The following GSG1L variants were observed in gnomAD, a reference collection of about 807,000 sequenced individuals.
GSG1L encodes GSG1 like.
In GSG1L, 24 loss-of-function variants were observed where a neutral mutation model predicts 42.1. That is an observed-to-expected ratio of 0.57 (90% CI 0.41 to 0.80). The LOEUF is 0.80. Ranked by LOEUF, GSG1L falls within the 30% of genes least tolerant of loss-of-function variation. The pLI is 0.00. For missense variants in GSG1L, 445 were observed against 472.2 expected (o/e 0.94, Z 0.53); for synonymous variants, 215 against 203.5 (o/e 1.06, Z -0.48).
chr16:27,793,754 C>T (rs1191506504), intron 6 of GSG1L, among the ~76,000 whole-genome samples: 4 of 152,204 alleles, frequency 2.6e-5, no homozygotes, highest in Admixed American at 2.6e-4. Flanking sequence ...GCCCTCCTCC[C>T]TTTCTCTGGC....
At chr16:27,938,337 G>A (rs573598471) in intron 2 of GSG1L, among the ~76,000 whole-genome samples, 2 of 147,762 alleles carry the variant, frequency 1.4e-5, no homozygotes, top group East Asian at 2.0e-4. Flanking sequence ...GCAGTGAGCC[G>A]AGATCACACC....
At chr16:28,052,649 C>G (rs1350930015) in intron 1 of GSG1L, among the ~76,000 whole-genome samples, 2 of 152,142 alleles carry the variant, frequency 1.3e-5, no homozygotes, top group South Asian at 2.1e-4. Context: ...TGAAGTAGAG[C>G]CCCCCACTGA....
intron 3 of GSG1L, 42 bp from the exon 4 acceptor site, chr16:27,845,103 A>C (rs1442938006): frequency 2.2e-6 from 3 of 1,389,058 alleles, no homozygotes; most frequent in Non-Finnish European, 3.0e-6. Context: ...GAAGTAAGGA[A>C]GGGCTTTGTC....
intron 2 of GSG1L, among the ~76,000 whole-genome samples, chr16:27,928,659 G>A (rs2084623738): frequency 6.6e-6 from 1 of 152,146 alleles, no homozygotes; most frequent in Non-Finnish European, 1.5e-5. Context: ...GGTGACATTC[G>A]GCAGGTGAGG....
At chr16:27,858,065 G>A (rs980914075) in intron 3 of GSG1L, among the ~76,000 whole-genome samples, 6 of 152,072 alleles carry the variant, frequency 3.9e-5, no homozygotes, top group Admixed American at 6.5e-5. Flanking sequence ...GGTCTCATTC[G>A]CTGAAATGCA....
intron 1 of GSG1L, among the ~76,000 whole-genome samples, chr16:28,052,162 A>G (rs1192725280): frequency 6.6e-6 from 1 of 151,804 alleles, no homozygotes; most frequent in Admixed American, 6.6e-5. Context: ...AGAAATTGGA[A>G]AGATGGAGCT....
At chr16:27,797,610 C>T (rs1241918115) in intron 6 of GSG1L, among the ~76,000 whole-genome samples, 2 of 151,146 alleles carry the variant, frequency 1.3e-5, no homozygotes, top group African/African-American at 4.9e-5. Context: ...ATCACGAGGT[C>T]AGGAGATCGA....
At position 27,973,370 on chromosome 16, in the gene GSG1L, G is replaced by A. The variant is rs539268962; in HGVS notation, c.350-10167C>T. 1.2e-4 allele frequency among the ~76,000 whole-genome samples: 18 copies of A among 146,024 alleles called. No individual in the cohort carries two copies. In the South Asian group the frequency reaches 1.8e-3, roughly 14 times the overall value. Reference sequence around the variant, plus strand: ...GAGGCAGGAGAATCACTTGAACCCCGGAGGTGGAGGTTGCAGTGAGCTGAG... The same window carrying A: ...GAGGCAGGAGAATCACTTGAACCCCAGAGGTGGAGGTTGCAGTGAGCTGAG... On this transcript the variant is annotated intron_variant, in intron 1 of 6. Transcript: ENST00000447459.
intron 2 of GSG1L, among the ~76,000 whole-genome samples, chr16:27,890,716 A>T (rs1446006100): frequency 6.6e-6 from 1 of 152,212 alleles, no homozygotes; most frequent in Non-Finnish European, 1.5e-5. Context: ...CAGAGCCTAC[A>T]TGAGCCGTGG....
chr16:27,939,005 G>A (rs898799380), intron 2 of GSG1L, among the ~76,000 whole-genome samples: 1 of 152,136 alleles, frequency 6.6e-6, no homozygotes, highest in Admixed American at 6.5e-5. Flanking sequence ...TGTGCAGTGG[G>A]GACTCTGGGG....
chr16:28,022,387 G>A (rs58521643), intron 1 of GSG1L, among the ~76,000 whole-genome samples: 6,082 of 152,208 alleles, frequency 0.04, 224 homozygotes, highest in African/African-American at 0.097. Flanking sequence ...GTACAGTGGC[G>A]TGATCACAGC....
intron 4 of GSG1L, among the ~76,000 whole-genome samples, chr16:27,844,060 C>T (rs1235567939): frequency 6.6e-6 from 1 of 152,166 alleles, no homozygotes; most frequent in African/African-American, 2.4e-5. Flanking sequence ...CCCTTATGAC[C>T]TCAGTGACTC....
chr16:27,939,788 TTTGTTTTC>T (rs2084765660), intron 2 of GSG1L, among the ~76,000 whole-genome samples: 1 of 152,150 alleles, frequency 6.6e-6, no homozygotes, highest in South Asian at 2.1e-4. Flanking sequence ...ATCACCAAAA[TTTGTTTTC>T]TTTCCCTCAT....
intron 6 of GSG1L, among the ~76,000 whole-genome samples, chr16:27,793,632 A>C (rs78605435): frequency 3.7e-4 from 57 of 152,292 alleles, no homozygotes; most frequent in African/African-American, 1.3e-3. Flanking sequence ...ACAGAAAGAA[A>C]GTGATAGTGT....
intron 4 of GSG1L, among the ~76,000 whole-genome samples, chr16:27,841,564 C>T (rs957876852): frequency 2.0e-5 from 3 of 152,114 alleles, no homozygotes; most frequent in Non-Finnish European, 2.9e-5. Context: ...GCTCTCGGGC[C>T]AGGATTTTGA....
At chr16:28,055,994 A>G (rs1040736295) in intron 1 of GSG1L, among the ~76,000 whole-genome samples, 5 of 152,124 alleles carry the variant, frequency 3.3e-5, no homozygotes, top group African/African-American at 1.2e-4. Context: ...GAGAGGGAGC[A>G]GGGAAGAAAG....
chr16:27,900,374 A>C (rs1338988056), intron 2 of GSG1L, among the ~76,000 whole-genome samples: 2 of 152,176 alleles, frequency 1.3e-5, no homozygotes, highest in Admixed American at 6.5e-5. Flanking sequence ...GCAGGTGAAG[A>C]AGTTAAGTCC....
intron 1 of GSG1L, among the ~76,000 whole-genome samples, chr16:28,041,701 G>A (rs996433085): frequency 6.6e-6 from 1 of 152,164 alleles, no homozygotes; most frequent in African/African-American, 2.4e-5. Context: ...AATAGAGCAG[G>A]TGGGTTACCT....
At chr16:27,890,436 A>G (rs1263194594) in intron 2 of GSG1L, among the ~76,000 whole-genome samples, 2 of 152,164 alleles carry the variant, frequency 1.3e-5, no homozygotes, top group Non-Finnish European at 2.9e-5. Context: ...GAATGGATGG[A>G]CAGGATGGAA....
Sources: gnomAD v4.1 joint callset for allele counts (sites outside exome capture counted in the v4.1 genomes callset) on GRCh38, gnomAD v4.1.1 for gene constraint, MANE v1.5 for transcripts, NCBI Gene and HGNC (gene_info 2026-07-23, HGNC 2026-07-21) for gene names.